Variants in GNB3 observed in about 807,000 individuals in gnomAD.
GNB3 encodes guanine nucleotide-binding protein G(I)/G(S)/G(T) subunit beta-3.
Under a neutral mutation model 41.2 loss-of-function variants are expected in GNB3, and 33 were observed. The observed-to-expected ratio is 0.80, with a 90% CI of 0.61 to 1.07. The LOEUF is 1.07. Among genes scored for constraint, GNB3 ranks in the 50% least tolerant of loss-of-function variants. GNB3 has a pLI of 0.00. For synonymous variants in GNB3, 172 were observed against 173.4 expected (o/e 0.99, Z 0.06); for missense variants, 409 against 455.3 (o/e 0.90, Z 0.92).
chr12:6,841,893 G>A lies in GNB3; in HGVS notation c.96+269G>A, dbSNP rs1047916492. 27 of 652,206 alleles carry A rather than the reference G, an allele frequency of 4.1e-5. 1 individual carries two copies. The highest frequency in any genetic ancestry group is 2.4e-4 in the Middle Eastern group (1 of 4,156). 40.4% of individuals were successfully genotyped at this position (652,206 alleles called of 1,614,324 possible). ...CCCAGGGCCTTGAAGATGAAGAAGC[G>A]ATAGTACTTTGTAAATTATAAAGCC... On this transcript the variant is annotated intron_variant, in intron 3 of 9. Transcript: ENST00000229264.
chr12:6,843,806 A>G lies in GNB3; in HGVS notation c.527A>G (p.Gln176Arg). 6.2e-7 allele frequency: 1 copy of G among 1,614,162 alleles called. No individual in the cohort carries two copies. The highest frequency in any genetic ancestry group is 8.5e-7 in the Non-Finnish European group (1 of 1,179,980). The change falls in exon 8 of 10, where the codon CAG (glutamine) becomes CGG (arginine). Residue 176 changes from glutamine to arginine, a missense_variant. By Grantham distance (43) the Gln-to-Arg change is conservative. Coordinates refer to ENST00000229264, the MANE Select transcript of GNB3 (RefSeq NM_002075.4). This position sits in a 1 kb window ranked among gnomAD's most constrained non-coding sequence, Gnocchi z 5.9. Reference protein sequence around the residue: ...CALWDIETGQQKTVFVGHTGD... With the variant: ...CALWDIETGQRKTVFVGHTGD... Reference sequence around the variant, plus strand: ...TTGTGGGACATTGAGACTGGGCAGCAGAAGACTGTATTTGTGGGACACACG... The same window carrying G: ...TTGTGGGACATTGAGACTGGGCAGCGGAAGACTGTATTTGTGGGACACACG...
rs782815352 is a variant in GNB3, at chr12:6,843,288, G to A, written c.267+51G>A. 40 of 1,609,004 alleles carry A rather than the reference G, an allele frequency of 2.5e-5. No homozygotes were observed. Among genetic ancestry groups the A allele is most frequent in the Non-Finnish European group, 3.1e-5 (36 of 1,175,510 alleles). The stretch of plus-strand genomic sequence containing the variant: ...CCACCACTGCATCCTTCCTAAGGGC[G>A]CCATGCCTACCCTCCTGTGCCCAGC... On this transcript the variant is annotated intron_variant, in intron 5 of 9. Coordinates refer to ENST00000229264, the MANE Select transcript of GNB3 (RefSeq NM_002075.4). The surrounding 1 kb of genome is among the most constrained non-coding windows in gnomAD (Gnocchi z 5.9).
chr12:6,841,611 T>TTA lies in GNB3; in HGVS notation c.84_85dup (p.Thr29IlefsTer10). On this transcript the variant is annotated frameshift_variant, in exon 3 of 10. Coordinates refer to ENST00000229264, the MANE Select transcript of GNB3 (RefSeq NM_002075.4). LOFTEE classifies it high-confidence loss of function. The stretch of plus-strand genomic sequence containing the variant: ...GATGCCAGGAAAGCCTGTGCTGACG[T>TTA]TACTCTGGCAGAGGTAAGACCCCCT... 1 of 1,613,476 alleles carries TTA rather than the reference T, an allele frequency of 6.2e-7. No homozygotes were observed.
chr12:6,845,607 A>C lies in GNB3; in HGVS notation c.721A>C (p.Ile241Leu), dbSNP rs782139880. The C allele has an allele frequency of 6.2e-7, 1 of 1,612,056 alleles. No homozygotes were observed. Among genetic ancestry groups the C allele is most frequent in the African/African-American group, 1.3e-5 (1 of 75,020 alleles). The part of the protein sequence containing the change: ...AICFFPNGEA[I>L]CTGSDDASCR... Reference sequence around the variant, plus strand: ...TCAGTTCTTCCCCAATGGAGAGGCCATCTGCACGGGCTCGGATGACGCTTC... The same window carrying C: ...TCAGTTCTTCCCCAATGGAGAGGCCCTCTGCACGGGCTCGGATGACGCTTC... Residue 241 changes from isoleucine to leucine, a missense_variant, in exon 9 of 10, where the codon ATC becomes CTC. Ile to Leu is a conservative substitution (Grantham distance 5). Coordinates refer to ENST00000229264, the MANE Select transcript of GNB3 (RefSeq NM_002075.4).
At chr12:6,841,510 C>T in intron 2 of GNB3, 76 bp from the exon 3 acceptor site, 1 of 1,339,184 alleles carries the variant, frequency 7.5e-7, no homozygotes, top group Non-Finnish European at 1.1e-6. Context: ...AGCCCCAAGA[C>T]CAACCTGCCC....
chr12:6,843,349 C>G lies in GNB3; in HGVS notation c.268-14C>G, dbSNP rs1555123807. Reference sequence around the variant, plus strand: ...GCTCCGGTCCCATCTCTGCTCAAACCACCCTCCCTGCAGGTGCACGCCATC... The same window carrying G: ...GCTCCGGTCCCATCTCTGCTCAAACGACCCTCCCTGCAGGTGCACGCCATC... On this transcript the variant is annotated splice_polypyrimidine_tract_variant and intron_variant, in intron 5 of 9. Coordinates refer to ENST00000229264, the MANE Select transcript of GNB3 (RefSeq NM_002075.4). This position sits in a 1 kb window ranked among gnomAD's most constrained non-coding sequence, Gnocchi z 5.9. 1 of 1,613,640 alleles carries G rather than the reference C, an allele frequency of 6.2e-7. No homozygotes were observed. Among genetic ancestry groups the G allele is most frequent in the South Asian group, 1.1e-5 (1 of 91,072 alleles).
At chr12:6,845,369 G>T (rs1555124380) in intron 8 of GNB3, 3 of 564,484 alleles carry the variant, frequency 5.3e-6, no homozygotes. Context: ...CCTGCCTGCA[G>T]CGCTGTATAG....
rs1555124488 is a variant in GNB3 at position 6,845,665 on chromosome 12, A to G, written c.779A>G (p.Glu260Gly). The change falls in exon 9 of 10, where the codon GAG becomes GGG. Residue 260 changes from glutamate (E) to glycine (G), a missense_variant. By Grantham distance (98) the Glu-to-Gly change is moderately conservative. Coordinates refer to ENST00000229264, the MANE Select transcript of GNB3 (RefSeq NM_002075.4). ...TTGTTTGACCTGCGGGCAGACCAGG[A>G]GCTGATCTGCTTCTCCCACGAGAGC... ...CRLFDLRADQ[E>G]LICFSHESII... 6.2e-7 allele frequency: 1 copy of G among 1,613,830 alleles called. No individual in the cohort carries two copies. The highest frequency in any genetic ancestry group is 2.2e-5 in the East Asian group (1 of 44,876).
In GNB3 at chr12:6,843,607, G is replaced by C; in HGVS notation, c.431-25G>C. On this transcript the variant is annotated intron_variant, in intron 6 of 9. Transcript: ENST00000229264. This position sits in a 1 kb window ranked among gnomAD's most constrained non-coding sequence, Gnocchi z 5.9. Reference sequence around the variant, plus strand: ...AGTGGGCTGTGGCTCTGCAGCCAGGGCACTGTCCTTCTAACCGCCTCCAGG... The same window carrying C: ...AGTGGGCTGTGGCTCTGCAGCCAGGCCACTGTCCTTCTAACCGCCTCCAGG... 1 of 1,613,450 alleles carries C rather than the reference G, an allele frequency of 6.2e-7. No individual in the cohort carries two copies. The highest frequency in any genetic ancestry group is 8.5e-7 in the Non-Finnish European group (1 of 1,179,370).
Position 6,843,517 on chromosome 12 carries a change from C to T in GNB3, c.422C>T (p.Ala141Val). Residue 141 changes from alanine (A) to valine (V), a missense_variant, in exon 6 of 10, where the codon GCT (alanine) becomes GTT (valine). Transcript: ENST00000229264. This position sits in a 1 kb window ranked among gnomAD's most constrained non-coding sequence, Gnocchi z 5.9. ...GTCAAGGTCAGCCGGGAGCTTTCTG[C>T]TCACACAGGTGAGGGAGAGACCCTC... ...GNVKVSRELSAHTGYLSCCRF... is the reference protein window; with the variant it reads ...GNVKVSRELSVHTGYLSCCRF... 1 of 1,614,138 alleles carries T rather than the reference C, an allele frequency of 6.2e-7. No individual in the cohort carries two copies. The highest frequency in any genetic ancestry group is 8.5e-7 in the Non-Finnish European group (1 of 1,179,968).
Position 6,843,847 on chromosome 12 carries a change from C to T in GNB3, c.568C>T (p.Leu190=). The change falls in exon 8 of 10, where the codon CTG becomes TTG. Residue 190 remains leucine (L), a synonymous_variant. Coordinates refer to ENST00000229264, the MANE Select transcript of GNB3 (RefSeq NM_002075.4). This position sits in a 1 kb window ranked among gnomAD's most constrained non-coding sequence, Gnocchi z 5.9. ...FVGHTGDCMS[L]AVSPDFNLFI... is the part of the protein sequence containing the mutation. ...GGGACACACGGGTGACTGCATGAGC[C>T]TGGCTGTGTCTCCTGACTTCAATCT... 6.2e-7 allele frequency: 1 copy of T among 1,614,068 alleles called. No homozygotes were observed. The highest frequency in any genetic ancestry group is 8.5e-7 in the Non-Finnish European group (1 of 1,179,920).
In GNB3 at chr12:6,841,170, C is replaced by A. The variant is rs782393579; in HGVS notation, c.-30-88C>A. 1.5e-4 allele frequency: 125 copies of A among 808,504 alleles called. 1 individual carries two copies. In the African/African-American group the frequency reaches 2.0e-3, roughly 13 times the overall value. 50.1% of individuals were successfully genotyped at this position (808,504 alleles called of 1,614,324 possible). A position where few individuals can be genotyped will look rare whatever the true frequency, so the allele number is the denominator to read the frequency against. The stretch of plus-strand genomic sequence containing the variant: ...GAGGGTGCAGCCACCCAGTCGTTTC[C>A]CTGTGTCTTGGAGTCTGGTGTGGGC... On this transcript the variant is annotated intron_variant, in intron 1 of 9. Transcript: ENST00000229264.
chr12:6,841,665 G>A (rs1943577540), intron 3 of GNB3, 41 bp downstream of exon 3: 2 of 1,521,142 alleles, frequency 1.3e-6, no homozygotes, highest in Admixed American at 1.7e-5. Context: ...CATGGGGGGA[G>A]GGGAAGGGAG....
chr12:6,844,294 G>T (rs1456991110), intron 8 of GNB3, among the ~76,000 whole-genome samples: 18 of 151,512 alleles, frequency 1.2e-4, no homozygotes, highest in Admixed American at 1.2e-3. Context: ...TAGAGATGGG[G>T]TTTTGCCATG....
At position 6,845,803 on chromosome 12, in the gene GNB3, G is replaced by C. The variant is rs782189035; in HGVS notation, c.916+1G>C. 9.3e-6 allele frequency: 15 copies of C among 1,607,876 alleles called. No homozygotes were observed. The highest frequency in any genetic ancestry group is 3.3e-5 in the Admixed American group (2 of 60,012). On this transcript the variant is annotated splice_donor_variant, in intron 9 of 9. Transcript: ENST00000229264. LOFTEE classifies it high-confidence loss of function. Reference sequence around the variant, plus strand: ...GACTCCATGAAGTCTGAGCGTGTGGGTAAGGGCCAGCCCTGGCTGCTGCTT... The same window carrying C: ...GACTCCATGAAGTCTGAGCGTGTGGCTAAGGGCCAGCCCTGGCTGCTGCTT...
At chr12:6,841,752 T>C (rs1555123451) in intron 3 of GNB3, 128 bp downstream of exon 3, 5 of 747,806 alleles carry the variant, frequency 6.7e-6, no homozygotes, top group Non-Finnish European at 7.2e-6. Flanking sequence ...CATTAATTAA[T>C]TCATTCGACC....
Position 6,842,611 on chromosome 12 carries a change from C to T in GNB3, c.97-359C>T, listed in dbSNP as rs529491557. Among the ~76,000 whole-genome samples the T allele has an allele frequency of 2.6e-5, 4 of 152,290 alleles. No homozygotes were observed. The South Asian group carries it at 6.2e-4, about 24-fold the overall frequency. On this transcript the variant is annotated intron_variant, in intron 3 of 9. Transcript: ENST00000229264. The stretch of plus-strand genomic sequence containing the variant: ...GCGGTGGGTGCAAGCAGGCTCCTCT[C>T]GGCTTGGGAGAGCCAGCTCTGTGCA...
chr12:6,841,656 A>T (rs1460883874), intron 3 of GNB3, 32 bp downstream of exon 3: 5 of 1,575,644 alleles, frequency 3.2e-6, no homozygotes, highest in Middle Eastern at 3.3e-4. Flanking sequence ...AAGGCAGGGC[A>T]TGGGGGGAGG....
rs782615277 is a variant in GNB3 at position 6,843,763 on chromosome 12, C to A, written c.498-14C>A. On this transcript the variant is annotated splice_polypyrimidine_tract_variant and intron_variant, in intron 7 of 9. Transcript: ENST00000229264. The surrounding 1 kb of genome is among the most constrained non-coding windows in gnomAD (Gnocchi z 5.9). ...GCCCGGCCTTTCTCTAACAGTCTCCCTCCATTTTGGCAGTGCCTTGTGGGA... is the reference window on the plus strand; with the variant it reads ...GCCCGGCCTTTCTCTAACAGTCTCCATCCATTTTGGCAGTGCCTTGTGGGA... 6.2e-6 allele frequency: 10 copies of A among 1,613,516 alleles called. No homozygotes were observed. The highest frequency in any genetic ancestry group is 8.5e-6 in the Non-Finnish European group (10 of 1,179,386).
Sources: allele counts gnomAD v4.1 joint callset (sites outside exome capture counted in the v4.1 genomes callset), GRCh38; gene constraint gnomAD v4.1.1; non-coding constraint Gnocchi (gnomAD v3.1); transcripts MANE v1.5; gene names NCBI Gene and HGNC (gene_info 2026-07-23, HGNC 2026-07-21).